Variants in HUWE1 observed in about 807,000 individuals in gnomAD.
The protein encoded by HUWE1 is E3 ubiquitin-protein ligase HUWE1.
Under a neutral mutation model 299.4 loss-of-function variants are expected in HUWE1, and 18 were observed. The ratio of observed to expected loss-of-function variants is 0.06; its 90% CI spans 0.04 to 0.09. HUWE1 has a LOEUF of 0.09. Ranked by LOEUF, HUWE1 falls within the 10% of genes least tolerant of loss-of-function variation. The pLI, the probability that HUWE1 is intolerant of heterozygous loss-of-function variation, is 1.00. For synonymous variants in HUWE1, 1,317 were observed against 1,286.1 expected (o/e 1.02, Z -0.51); for missense variants, 1,832 against 3,462.3 (o/e 0.53, Z 11.82).
At position 53,679,555 on chromosome X, in the gene HUWE1, CA is replaced by C. The variant is rs1450171210; in HGVS notation, c.-25+493del. ...CTGTAATCCCAACACTTTGGGAGGC[CA>C]AGAAGGGAGGATGGCTTGAGCCCAG... On this transcript the variant is annotated intron_variant, in intron 3 of 83. Transcript: ENST00000262854. Among the ~76,000 whole-genome samples the C allele has an allele frequency of 5.4e-5, 6 of 111,203 alleles. 1 individual carries two copies. The highest frequency in any genetic ancestry group is 3.3e-5 in the African/African-American group (1 of 30,504).
rs1369394759 is a variant in HUWE1 at position 53,534,648 on chromosome X, G to T, written c.12699C>A (p.Ile4233=). Residue 4233 remains isoleucine, a synonymous_variant, in exon 82 of 84, where the codon ATC becomes ATA. Coordinates refer to ENST00000262854, the MANE Select transcript of HUWE1 (RefSeq NM_031407.7). ...AGATGGAAATGAGGCGCTTTGGAAT[G>T]ATCTCATAGAAGCCTTCTAAGAAAG... ...LAAFLEGFYE[I]IPKRLISIFT... is the part of the protein sequence containing the mutation. 1 of 1,209,126 alleles carries T rather than the reference G, an allele frequency of 8.3e-7. No individual in the cohort carries two copies. The highest frequency in any genetic ancestry group is 1.1e-6 in the Non-Finnish European group (1 of 894,915).
chrX:53,552,873 C>A lies in HUWE1; in HGVS notation c.8515G>T (p.Ala2839Ser). ...PTITSLSPER[A>S]EDSDALTAVS... ...GCCGTCAGTGCATCAGAATCCTCAGCTCTCTCTGGGGAAAGTGAGGCTAGG... is the reference window on the plus strand; with the variant it reads ...GCCGTCAGTGCATCAGAATCCTCAGATCTCTCTGGGGAAAGTGAGGCTAGG... Residue 2839 changes from alanine to serine, a missense_variant, in exon 62 of 84, where the codon GCT (alanine) becomes TCT (serine). Ala to Ser is a moderately conservative substitution (Grantham distance 99, BLOSUM62 1). Coordinates refer to ENST00000262854, the MANE Select transcript of HUWE1 (RefSeq NM_031407.7). 8.3e-7 allele frequency: 1 copy of A among 1,211,605 alleles called. No individual in the cohort carries two copies. Among genetic ancestry groups the A allele is most frequent in the Non-Finnish European group, 1.1e-6 (1 of 895,246 alleles).
chrX:53,600,745 CAT>C (rs782799270), intron 28 of HUWE1, among the ~76,000 whole-genome samples: 1 of 112,698 alleles, frequency 8.9e-6, no homozygotes, highest in East Asian at 2.8e-4. Context: ...ATGAATGTGA[CAT>C]GTGTCTTTTT....
intron 3 of HUWE1, among the ~76,000 whole-genome samples, chrX:53,666,781 T>C (rs2069270637): frequency 8.9e-6 from 1 of 111,941 alleles, no homozygotes; most frequent in Admixed American, 9.5e-5. Context: ...CCCACTATGC[T>C]TGCTGAGTTC....
At chrX:53,534,760 C>A (rs782222388) in intron 81 of HUWE1, 63 bp from the exon 82 acceptor site, 12 of 1,019,462 alleles carry the variant, frequency 1.2e-5, no homozygotes, top group East Asian at 6.2e-5. Context: ...GGTCAGAGAT[C>A]CCCCATCTGG....
intron 43 of HUWE1, among the ~76,000 whole-genome samples, chrX:53,580,265 C>A (rs1556965828): frequency 8.9e-6 from 1 of 111,980 alleles, no homozygotes; most frequent in African/African-American, 3.2e-5. Context: ...TTATCTGGAT[C>A]CACAGCCCAA....
rs112844529 is a variant in HUWE1, at chrX:53,552,252, C to A, written c.8881+59G>T. 841 of 1,188,443 alleles carry A rather than the reference C, an allele frequency of 7.1e-4. 3 individuals are homozygous for A. The African/African-American group carries it at 0.014, about 19-fold the overall frequency. ...TGTTTGGCTGGTGGGCATTTCCATG[C>A]CAAGGGCTACTAGAAGCCAAAACAA... On this transcript the variant is annotated intron_variant, in intron 63 of 83. Coordinates refer to ENST00000262854, the MANE Select transcript of HUWE1 (RefSeq NM_031407.7).
chrX:53,583,134 A>C (rs1451225821), intron 42 of HUWE1, among the ~76,000 whole-genome samples: 1 of 111,497 alleles, frequency 9.0e-6, no homozygotes, highest in Non-Finnish European at 1.9e-5. Context: ...CAAACATTCA[A>C]AAAGCTTTAA....
At chrX:53,584,811 A>C (rs782806761) in intron 40 of HUWE1, among the ~76,000 whole-genome samples, 1 of 111,984 alleles carries the variant, frequency 8.9e-6, no homozygotes, top group South Asian at 3.7e-4. Context: ...AGGGGTGTCC[A>C]ATCTTTTGGC....
intron 2 of HUWE1, among the ~76,000 whole-genome samples, chrX:53,681,302 C>T (rs1046752948): frequency 1.4e-4 from 15 of 108,775 alleles, no homozygotes; most frequent in Non-Finnish European, 1.9e-4. Context: ...GGCATGGTGG[C>T]GCGCGCCTGT....
chrX:53,563,151 G>T (rs1556942729), intron 52 of HUWE1, among the ~76,000 whole-genome samples: 1 of 112,210 alleles, frequency 8.9e-6, no homozygotes, highest in Non-Finnish European at 1.9e-5. Flanking sequence ...GATCACATCT[G>T]CCCTGCCAAT....
intron 23 of HUWE1, among the ~76,000 whole-genome samples, chrX:53,610,564 T>A (rs929438686): frequency 8.9e-5 from 10 of 111,746 alleles, no homozygotes; most frequent in African/African-American, 2.0e-4. Flanking sequence ...ATTTTCAGTA[T>A]TTATGGTGGT....
chrX:53,658,664 GA>G (rs1183160992), intron 3 of HUWE1, among the ~76,000 whole-genome samples: 11 of 107,110 alleles, frequency 1.0e-4, no homozygotes, highest in East Asian at 2.9e-4. Context: ...ACATACATGC[GA>G]AAAAAAAAAT....
In HUWE1 at chrX:53,627,271, T is replaced by C. The variant is rs935016025; in HGVS notation, c.1489+139A>G. The C allele has an allele frequency of 3.2e-5, 13 of 402,269 alleles. No individual in the cohort carries two copies. The East Asian group carries it at 3.8e-4, about 12-fold the overall frequency. 33.2% of individuals were successfully genotyped at this position (402,269 alleles called of 1,213,427 possible). On this transcript the variant is annotated intron_variant, in intron 17 of 83. Coordinates refer to ENST00000262854, the MANE Select transcript of HUWE1 (RefSeq NM_031407.7). ...AAAACAAATTTGCAAATCACTTACATAGAAAAAAAATTTTTGTTGCTGAAA... is the reference window on the plus strand; with the variant it reads ...AAAACAAATTTGCAAATCACTTACACAGAAAAAAAATTTTTGTTGCTGAAA...
chrX:53,542,929 T>C (rs1339147202), intron 73 of HUWE1: 1 of 136,266 alleles, frequency 7.3e-6, no homozygotes, highest in East Asian at 1.8e-4. Flanking sequence ...AGGTCTGCTC[T>C]TTGTTTCTGT....
At chrX:53,575,883 A>T in intron 44 of HUWE1, 95 bp from the exon 45 acceptor site, 1 of 909,387 alleles carries the variant, frequency 1.1e-6, no homozygotes, top group Non-Finnish European at 1.6e-6. Context: ...TCAATTTCAC[A>T]TCAAGTGGCT....
intron 2 of HUWE1, among the ~76,000 whole-genome samples, chrX:53,683,171 G>C (rs1557054165): frequency 9.0e-6 from 1 of 111,069 alleles, no homozygotes; most frequent in East Asian, 2.8e-4. Flanking sequence ...ATTTAGAACT[G>C]GGGAAGGAGT....
chrX:53,573,688 C>T, intron 47 of HUWE1, 62 bp downstream of exon 47: 2 of 962,691 alleles, frequency 2.1e-6, no homozygotes, highest in Non-Finnish European at 3.0e-6. Context: ...GTGTCTGACA[C>T]AGGCGGTACC....
At chrX:53,553,813 A>G (rs1345368894) in intron 61 of HUWE1, among the ~76,000 whole-genome samples, 1 of 109,355 alleles carries the variant, frequency 9.1e-6, no homozygotes, top group Non-Finnish European at 1.9e-5. Flanking sequence ...TTTTCTCAAA[A>G]AATAAATAAA....
Sources: gnomAD v4.1 joint callset for allele counts (sites outside exome capture counted in the v4.1 genomes callset) on GRCh38, gnomAD v4.1.1 for gene constraint, MANE v1.5 for transcripts, NCBI Gene and HGNC (gene_info 2026-07-23, HGNC 2026-07-21) for gene names.